The following FOXN3 variants were observed in gnomAD, a reference collection of about 807,000 sequenced individuals.
FOXN3 encodes the protein forkhead box N3.
FOXN3 carries 7 observed loss-of-function variants against 38.4 expected under a neutral mutation model. The ratio of observed to expected loss-of-function variants is 0.18; its 90% CI spans 0.10 to 0.34. The LOEUF is 0.34. Among genes scored for constraint, FOXN3 ranks in the 10% least tolerant of loss-of-function variants. The pLI, the probability that FOXN3 is intolerant of heterozygous loss-of-function variation, is 1.00. For synonymous variants in FOXN3, 230 were observed against 242.2 expected, an observed-to-expected ratio of 0.95 and a Z score of 0.47; for missense variants, 456 against 613.4, an observed-to-expected ratio of 0.74 and a Z score of 2.71.
At chr14:89,233,457 G>T (rs1044232784) in intron 4 of FOXN3, among the ~76,000 whole-genome samples, 2 of 151,768 alleles carry the variant, frequency 1.3e-5, no homozygotes, top group African/African-American at 4.8e-5. Flanking sequence ...CCATCCACTG[G>T]GTAGAAAATT....
intron 2 of FOXN3, among the ~76,000 whole-genome samples, chr14:89,382,222 G>A (rs753033232): frequency 6.6e-6 from 1 of 152,054 alleles, no homozygotes; most frequent in Non-Finnish European, 1.5e-5. Context: ...AGTAGGTCTG[G>A]TGTCACCAAG....
intron 4 of FOXN3, among the ~76,000 whole-genome samples, chr14:89,217,929 G>A (rs1394639746): frequency 6.6e-6 from 1 of 152,196 alleles, no homozygotes; most frequent in Non-Finnish European, 1.5e-5. Context: ...AAAATGAACC[G>A]AACATCTGTA....
chr14:89,196,596 T>C (rs1485149787), intron 4 of FOXN3, among the ~76,000 whole-genome samples: 1 of 152,162 alleles, frequency 6.6e-6, no homozygotes, highest in Non-Finnish European at 1.5e-5. Context: ...AAGGAACACC[T>C]ACCAAATGGG....
At chr14:89,613,116 C>CA (rs10581958) in intron 1 of FOXN3, among the ~76,000 whole-genome samples, 19,721 of 74,260 alleles carry the variant, frequency 0.27, 3,524 homozygotes, top group Non-Finnish European at 0.31. Flanking sequence ...GACTCTGTCT[C>CA]AAAAAAAAAA....
rs754918911 is a variant in FOXN3 at position 89,350,763 on chromosome 14, G to C, written c.589C>G (p.Gln197Glu). 3.7e-6 allele frequency: 6 copies of C among 1,603,014 alleles called. No individual in the cohort carries two copies. The highest frequency in any genetic ancestry group is 1.7e-5 in the Admixed American group (1 of 57,458). ...TTTTTCAAAGCCTGAATTAGATTTT[G>C]TCTATACTCTGGGTCTATGCACCAC... Reference protein sequence around the residue: ...SLWCIDPEYRQNLIQALKKTP... With the variant: ...SLWCIDPEYRENLIQALKKTP... Residue 197 changes from glutamine to glutamate, a missense_variant, in exon 3 of 6, where the codon CAA (glutamine) becomes GAA (glutamate). Physicochemically the swap from Gln to Glu is conservative, Grantham distance 29. Around this residue, in one of 3 missense-constraint regions of FOXN3, gnomAD observed 386 missense variants for 505.2 expected, o/e 0.76. Coordinates refer to ENST00000557258, the MANE Select transcript of FOXN3 (RefSeq NM_005197.4).
chr14:89,294,041 C>A (rs2139937604), intron 3 of FOXN3, among the ~76,000 whole-genome samples: 1 of 152,222 alleles, frequency 6.6e-6, no homozygotes, highest in Non-Finnish European at 1.5e-5. Flanking sequence ...CTGACACCTT[C>A]CTCAGCTACG....
chr14:89,336,258 C>CATCCGTT (rs1888459554), intron 3 of FOXN3, among the ~76,000 whole-genome samples: 2 of 139,136 alleles, frequency 1.4e-5, no homozygotes, highest in African/African-American at 2.5e-5. Context: ...ATTCATCCAT[C>CATCCGTT]CACACAGAAT....
intron 2 of FOXN3, among the ~76,000 whole-genome samples, chr14:89,358,486 G>C (rs1889326917): frequency 6.6e-6 from 1 of 152,162 alleles, no homozygotes; most frequent in Non-Finnish European, 1.5e-5. Flanking sequence ...TCCGTAATAA[G>C]AACACATACC....
At position 89,312,284 on chromosome 14, in the gene FOXN3, C is replaced by CAAAAAA. The variant is rs59949946; in HGVS notation, c.681-31276_681-31271dup. Among the ~76,000 whole-genome samples, 149 of 60,586 alleles carry CAAAAAA rather than the reference C, an allele frequency of 2.5e-3. 10 individuals are homozygous for CAAAAAA. The highest frequency in any genetic ancestry group is 9.5e-3 in the African/African-American group (115 of 12,076). 39.7% of individuals were successfully genotyped at this position (60,586 alleles called of 152,430 possible). The stretch of plus-strand genomic sequence containing the variant: ...TGGGTGACAGAGCAAGACTCGGTCT[C>CAAAAAA]AAAAAAAAAAAAAAAAAGAAGCCAA... On this transcript the variant is annotated intron_variant, in intron 3 of 5. Coordinates refer to ENST00000557258, the MANE Select transcript of FOXN3 (RefSeq NM_005197.4).
chr14:89,289,539 T>C (rs908042175), intron 3 of FOXN3, among the ~76,000 whole-genome samples: 1 of 152,238 alleles, frequency 6.6e-6, no homozygotes, highest in African/African-American at 2.4e-5. Context: ...AAATCTCTTA[T>C]GCAGAAAAGT....
chr14:89,185,272 TCTC>T (rs1399759109), intron 4 of FOXN3, among the ~76,000 whole-genome samples: 2 of 152,156 alleles, frequency 1.3e-5, no homozygotes, highest in African/African-American at 4.8e-5. Context: ...CCCCTGTCTT[TCTC>T]CTTTCTGTCC....
chr14:89,203,313 C>G (rs998506294), intron 4 of FOXN3, among the ~76,000 whole-genome samples: 6 of 152,150 alleles, frequency 3.9e-5, no homozygotes, highest in African/African-American at 1.4e-4. Context: ...AAGAGCAGTT[C>G]AAGCAAACAT....
chr14:89,314,980 T>C (rs773002439), intron 3 of FOXN3, among the ~76,000 whole-genome samples: 1 of 152,110 alleles, frequency 6.6e-6, no homozygotes, highest in Non-Finnish European at 1.5e-5. Context: ...CGGCTTGCAA[T>C]AAAGGTCACC....
At chr14:89,455,546 G>A (rs1459769092) in intron 1 of FOXN3, among the ~76,000 whole-genome samples, 1 of 152,222 alleles carries the variant, frequency 6.6e-6, no homozygotes, top group African/African-American at 2.4e-5. Context: ...AGCAGCCACT[G>A]GAGTAACGCC....
chr14:89,395,365 G>T (rs1891073102), intron 2 of FOXN3, among the ~76,000 whole-genome samples: 1 of 152,122 alleles, frequency 6.6e-6, no homozygotes, highest in Non-Finnish European at 1.5e-5. Context: ...GGTTCAGAGA[G>T]GTACACAGCT....
intron 1 of FOXN3, among the ~76,000 whole-genome samples, chr14:89,532,812 T>C (rs1221730338): frequency 6.6e-6 from 1 of 152,208 alleles, no homozygotes; most frequent in Non-Finnish European, 1.5e-5. Context: ...AAAACCACTA[T>C]TGTAGGCACC....
rs141786588 is a variant in FOXN3, at chr14:89,436,362, A to T, written c.-14-23872T>A. Among the ~76,000 whole-genome samples, 793 of 151,898 alleles carry T rather than the reference A, an allele frequency of 5.2e-3. 7 individuals carry two copies. Among genetic ancestry groups the T allele is most frequent in the African/African-American group, 0.018 (761 of 41,462 alleles). On this transcript the variant is annotated intron_variant, in intron 1 of 6. Transcript: ENST00000345097. ...GTTAGCCTTAGGAAGACTTTTGGTC[A>T]TGGTGTCATGCCAGCCCCTAATTTA...
At chr14:89,197,368 G>A (rs1329497212) in intron 4 of FOXN3, among the ~76,000 whole-genome samples, 2 of 152,092 alleles carry the variant, frequency 1.3e-5, no homozygotes, top group African/African-American at 4.8e-5. Flanking sequence ...TTAGCCGGAT[G>A]TGGTGGTGCA....
chr14:89,380,555 G>C (rs1323665603), intron 2 of FOXN3, among the ~76,000 whole-genome samples: 1 of 152,208 alleles, frequency 6.6e-6, no homozygotes, highest in African/African-American at 2.4e-5. Flanking sequence ...AGTCCAGTGA[G>C]CCCGTACACC....
Sources: gnomAD v4.1 joint callset for allele counts (sites outside exome capture counted in the v4.1 genomes callset) on GRCh38, gnomAD v4.1.1 for gene constraint, gnomAD v4.1.1 regional missense constraint, MANE v1.5 for transcripts, NCBI Gene and HGNC (gene_info 2026-07-23, HGNC 2026-07-21) for gene names.